CDK19: variants seen among roughly 807,000 people sequenced by gnomAD.
CDK19 encodes the protein cyclin dependent kinase 19, also known as cyclin-dependent kinase 19.
A neutral mutation model predicts 68.3 loss-of-function variants in CDK19; 20 were observed. The observed-to-expected ratio is 0.29, with a 90% confidence interval of 0.21 to 0.43. The LOEUF is 0.43. CDK19 is among the 20% of genes least tolerant of loss of function. The pLI, the probability that CDK19 is intolerant of heterozygous loss-of-function variation, is 1.00. For missense variants in CDK19, 339 were observed against 623.5 expected (o/e 0.54, Z 4.86); for synonymous variants, 221 against 222.8 (o/e 0.99, Z 0.07).
At chr6:110,628,542 C>T (rs1779236241) in intron 6 of CDK19, among the ~76,000 whole-genome samples, 1 of 152,178 alleles carries the variant, frequency 6.6e-6, no homozygotes, top group South Asian at 2.1e-4. Flanking sequence ...ATACTCACTA[C>T]CCACTGGTTA....
At chr6:110,657,601 G>C (rs903591614) in intron 4 of CDK19, among the ~76,000 whole-genome samples, 10 of 152,126 alleles carry the variant, frequency 6.6e-5, no homozygotes. Flanking sequence ...TCAAAGTACT[G>C]GGGCTCTGTC....
At position 110,746,778 on chromosome 6, in the gene CDK19, G is replaced by A. The variant is rs191922879; in HGVS notation, c.129-577C>T. Among the ~76,000 whole-genome samples the A allele has an allele frequency of 6.6e-5, 10 of 152,236 alleles. No individual in the cohort carries two copies. The East Asian group carries it at 1.9e-3, about 29-fold the overall frequency. Reference sequence around the variant, plus strand: ...CAACATGTCATTCTCAGGAACACTAGGAGAAACCCAGTAGTTAAAGTGGAT... The same window carrying A: ...CAACATGTCATTCTCAGGAACACTAAGAGAAACCCAGTAGTTAAAGTGGAT... On this transcript the variant is annotated intron_variant, in intron 1 of 12. Coordinates refer to ENST00000368911, the MANE Select transcript of CDK19 (RefSeq NM_015076.5).
intron 1 of CDK19, among the ~76,000 whole-genome samples, chr6:110,749,551 G>C (rs1778319380): frequency 6.6e-6 from 1 of 152,002 alleles, no homozygotes; most frequent in Non-Finnish European, 1.5e-5. Context: ...GTAAAGATGG[G>C]GTTTCGCCAT....
At chr6:110,738,125 T>G (rs1034600356) in intron 2 of CDK19, among the ~76,000 whole-genome samples, 10 of 152,164 alleles carry the variant, frequency 6.6e-5, no homozygotes, top group Non-Finnish European at 1.3e-4. Flanking sequence ...AAAGGTAAAA[T>G]ACTTGATTCA....
intron 1 of CDK19, among the ~76,000 whole-genome samples, chr6:110,756,552 T>A (rs1778851775): frequency 6.6e-6 from 1 of 150,618 alleles, no homozygotes; most frequent in South Asian, 2.1e-4. Context: ...AGACCCTGTC[T>A]TAAAAAAAAA....
chr6:110,624,709 G>C (rs1191363877), intron 8 of CDK19, among the ~76,000 whole-genome samples: 2 of 152,072 alleles, frequency 1.3e-5, no homozygotes, highest in African/African-American at 4.8e-5. Flanking sequence ...ATTATTTTGA[G>C]TGGCTGCCTA....
intron 2 of CDK19, among the ~76,000 whole-genome samples, chr6:110,700,207 A>C (rs1773876031): frequency 6.6e-6 from 1 of 152,236 alleles, no homozygotes; most frequent in South Asian, 2.1e-4. Context: ...GTTGCAGGAA[A>C]ACAAGTTCAG....
chr6:110,754,633 C>G (rs1562261433), intron 1 of CDK19, among the ~76,000 whole-genome samples: 1 of 151,976 alleles, frequency 6.6e-6, no homozygotes, highest in Non-Finnish European at 1.5e-5. Flanking sequence ...GCACGCGCAA[C>G]CATGCCCAGC....
At chr6:110,785,586 GAAGA>G (rs934943817) in intron 1 of CDK19, among the ~76,000 whole-genome samples, 16 of 152,272 alleles carry the variant, frequency 1.1e-4, no homozygotes, top group Non-Finnish European at 2.1e-4. Flanking sequence ...AGTCGGCTGA[GAAGA>G]AAGAGGGGAG....
chr6:110,665,347 G>C (rs1781859211), intron 4 of CDK19, among the ~76,000 whole-genome samples: 1 of 152,168 alleles, frequency 6.6e-6, no homozygotes, highest in Admixed American at 6.5e-5. Flanking sequence ...GGAGTGCAAA[G>C]AAGGGTCTGC....
intron 1 of CDK19, among the ~76,000 whole-genome samples, chr6:110,753,293 C>T (rs552633804): frequency 1.8e-4 from 28 of 151,952 alleles, no homozygotes; most frequent in Non-Finnish European, 3.1e-4. Flanking sequence ...AATTCCAAGT[C>T]AGATAAATAT....
rs1436653676 is a variant in CDK19 at position 110,815,377 on chromosome 6, G to A, written c.-241C>T. On this transcript the variant is annotated 5_prime_UTR_variant, in exon 1 of 13. Transcript: ENST00000368911. Reference sequence around the variant, plus strand: ...CGCGACGGCGGCGGCGGCTCCCGCAGGCACCCCCAGTCCCGCCTCCCTCCT... The same window carrying A: ...CGCGACGGCGGCGGCGGCTCCCGCAAGCACCCCCAGTCCCGCCTCCCTCCT... 1 of 377,222 alleles carries A rather than the reference G, an allele frequency of 2.7e-6. No homozygotes were observed. Among genetic ancestry groups the A allele is most frequent in the Non-Finnish European group, 4.7e-6 (1 of 214,416 alleles). The allele number at this position is 377,222 out of a possible 1,614,324, so 23.4% of individuals were successfully genotyped here.
At chr6:110,755,617 T>C (rs1778785465) in intron 1 of CDK19, among the ~76,000 whole-genome samples, 1 of 152,086 alleles carries the variant, frequency 6.6e-6, no homozygotes, top group Admixed American at 6.6e-5. Context: ...TTAAGATCCA[T>C]GCTATATCCA....
intron 4 of CDK19, among the ~76,000 whole-genome samples, chr6:110,640,134 T>C (rs1055077434): frequency 1.3e-5 from 2 of 150,756 alleles, no homozygotes; most frequent in Non-Finnish European, 2.9e-5. Context: ...GGCGGAAGGA[T>C]TGCTTGAGTC....
intron 1 of CDK19, among the ~76,000 whole-genome samples, chr6:110,809,681 G>C (rs1459163800): frequency 2.6e-5 from 4 of 151,898 alleles, no homozygotes; most frequent in Non-Finnish European, 4.4e-5. Context: ...TTTAAGAAAA[G>C]TAAATAAACT....
At position 110,632,022 on chromosome 6, in the gene CDK19, C is replaced by T; in HGVS notation, c.646+8G>A. 6.3e-7 allele frequency: 1 copy of T among 1,596,806 alleles called. No homozygotes were observed. The highest frequency in any genetic ancestry group is 8.5e-7 in the Non-Finnish European group (1 of 1,170,038). ...GACAAGATAGTAAATCATTTTAGAC[C>T]AACTTACCAATGGCCTTTGTATAAT... On this transcript the variant is annotated splice_region_variant and intron_variant, in intron 6 of 12. Coordinates refer to ENST00000368911, the MANE Select transcript of CDK19 (RefSeq NM_015076.5).
intron 1 of CDK19, among the ~76,000 whole-genome samples, chr6:110,774,602 T>G (rs1390086936): frequency 1.3e-5 from 2 of 152,190 alleles, no homozygotes; most frequent in African/African-American, 2.4e-5. Flanking sequence ...AGTCAGTAAC[T>G]AAAACAGCAG....
chr6:110,754,788 A>AT (rs955811601), intron 1 of CDK19, among the ~76,000 whole-genome samples: 2 of 152,040 alleles, frequency 1.3e-5, no homozygotes, highest in Non-Finnish European at 2.9e-5. Flanking sequence ...CCTAAACTAA[A>AT]TTTTTTATAG....
chr6:110,680,201 G>A (rs983226514), intron 2 of CDK19, among the ~76,000 whole-genome samples: 1 of 152,172 alleles, frequency 6.6e-6, no homozygotes, highest in Non-Finnish European at 1.5e-5. Context: ...AGAAGAATAA[G>A]AGTGCTGGCT....
Sources: allele counts gnomAD v4.1 joint callset (sites outside exome capture counted in the v4.1 genomes callset), GRCh38; gene constraint gnomAD v4.1.1; transcripts MANE v1.5; gene names NCBI Gene and HGNC (gene_info 2026-07-23, HGNC 2026-07-21).